Variants in ZDHHC7 observed in about 807,000 individuals in gnomAD.
The protein encoded by ZDHHC7 is palmitoyltransferase ZDHHC7.
In ZDHHC7, 12 loss-of-function variants were observed where a neutral mutation model predicts 34.1. That is an observed-to-expected ratio of 0.35 (90% CI 0.23 to 0.57). The LOEUF (loss-of-function observed/expected upper bound fraction) is 0.57. ZDHHC7 is among the 20% of genes least tolerant of loss of function. The pLI is 0.84. For synonymous variants in ZDHHC7, 185 were observed against 155.4 expected (o/e 1.19, Z -1.42); for missense variants, 388 against 402.7 (o/e 0.96, Z 0.31).
upstream of ZDHHC7, among the ~76,000 whole-genome samples, chr16:85,015,103 T>A (rs945587600): frequency 6.6e-6 from 1 of 151,482 alleles, no homozygotes; most frequent in Non-Finnish European, 1.5e-5. Context: ...TTTTGTTGTT[T>A]TTTTTTTTTT....
At chr16:85,014,829 A>C (rs545575855), upstream of ZDHHC7, among the ~76,000 whole-genome samples, 31 of 152,272 alleles carry the variant, frequency 2.0e-4, 1 homozygote, top group Middle Eastern at 6.8e-3. Context: ...GGTTTTTGAC[A>C]TTTTAGGGAG....
chr16:84,976,169 G>A lies in ZDHHC7; in HGVS notation c.*174C>T, dbSNP rs1012066365. On this transcript the variant is annotated 3_prime_UTR_variant, in exon 8 of 8. Transcript: ENST00000313732. ...GTTGTTGTACAGGTGGGGACTGAGA[G>A]CCTCTTCCTCTGCCATCTGTGACTA... 6.2e-6 allele frequency: 5 copies of A among 812,282 alleles called. No individual in the cohort carries two copies. The highest frequency in any genetic ancestry group is 9.5e-6 in the Non-Finnish European group (5 of 527,488). 50.3% of individuals were successfully genotyped at this position (812,282 alleles called of 1,614,324 possible). A position where few individuals can be genotyped will look rare whatever the true frequency, so the allele number is the denominator to read the frequency against.
chr16:85,007,379 C>T (rs561665619), intron 1 of ZDHHC7, among the ~76,000 whole-genome samples: 8 of 148,414 alleles, frequency 5.4e-5, no homozygotes, highest in Non-Finnish European at 1.2e-4. Context: ...GCCGAGACCA[C>T]GCCACCGCAC....
At chr16:84,982,211 G>T in intron 3 of ZDHHC7, 1 of 418,220 alleles carries the variant, frequency 2.4e-6, no homozygotes, top group Non-Finnish European at 4.4e-6. Flanking sequence ...CAGGCGCGGT[G>T]GCAGGCGCCT....
At chr16:85,018,469 CAG>C in the ZDHHC7 span, among the ~76,000 whole-genome samples, 3 of 123,184 alleles carry the variant, frequency 2.4e-5, no homozygotes, top group Admixed American at 9.1e-5. Context: ...TTTTTTAAGA[CAG>C]AGTTTTACTC....
chr16:84,978,652 C>T (rs372751699), intron 5 of ZDHHC7, among the ~76,000 whole-genome samples: 2 of 152,140 alleles, frequency 1.3e-5, no homozygotes, highest in East Asian at 1.9e-4. Context: ...CGCCTGAGGT[C>T]GGGAGTTCAA....
chr16:84,981,801 G>A (rs1310868709), intron 4 of ZDHHC7, 69 bp downstream of exon 4: 5 of 1,610,590 alleles, frequency 3.1e-6, no homozygotes, highest in Non-Finnish European at 4.2e-6. Flanking sequence ...GGCGCACTCT[G>A]GTTTAATACA....
Position 84,976,491 on chromosome 16 carries a change from G to A in ZDHHC7, c.779C>T (p.Pro260Leu). The change falls in exon 8 of 8, where the codon CCC (proline) becomes CTC (leucine). Residue 260 changes from proline (P) to leucine (L), a missense_variant. Physicochemically the swap from Pro to Leu is moderately conservative, Grantham distance 98. Transcript: ENST00000313732. ...TEIERLKSEK[P>L]TWERRLRWEG... is the part of the protein sequence containing the mutation. ...CCATCGCAGCCTCCGCTCCCATGTGGGCTTCTCACTTTTCAATCGCTCGAT... is the reference window on the plus strand; with the variant it reads ...CCATCGCAGCCTCCGCTCCCATGTGAGCTTCTCACTTTTCAATCGCTCGAT... 4 of 1,613,760 alleles carry A rather than the reference G, an allele frequency of 2.5e-6. No homozygotes were observed. Among genetic ancestry groups the A allele is most frequent in the Non-Finnish European group, 3.4e-6 (4 of 1,179,986 alleles).
intron 1 of ZDHHC7, among the ~76,000 whole-genome samples, chr16:84,998,592 C>T (rs369713579): frequency 7.2e-5 from 11 of 152,112 alleles, no homozygotes; most frequent in African/African-American, 2.7e-4. Flanking sequence ...GCCAAGCCTC[C>T]ACCTGGGCCC....
At chr16:85,024,608 A>G in the ZDHHC7 span, among the ~76,000 whole-genome samples, 1 of 152,180 alleles carries the variant, frequency 6.6e-6, no homozygotes, top group East Asian at 1.9e-4. Context: ...CCTTTGTACA[A>G]TGTCATGAGA....
intron 6 of ZDHHC7, among the ~76,000 whole-genome samples, chr16:84,977,441 CAA>C (rs2072312745): frequency 6.6e-6 from 1 of 152,166 alleles, no homozygotes; most frequent in Non-Finnish European, 1.5e-5. Context: ...CCAGTGGTTT[CAA>C]AAGAGTCTGT....
At chr16:85,009,095 C>G (rs2072755727) in intron 1 of ZDHHC7, among the ~76,000 whole-genome samples, 1 of 151,714 alleles carries the variant, frequency 6.6e-6, no homozygotes, top group African/African-American at 2.4e-5. Flanking sequence ...AGAAACATAC[C>G]CCAAAAAGCT....
At chr16:85,018,639 G>A in the ZDHHC7 span, among the ~76,000 whole-genome samples, 1 of 151,980 alleles carries the variant, frequency 6.6e-6, no homozygotes, top group African/African-American at 2.4e-5. Context: ...TAGAGACGGG[G>A]TATCTCCATG....
At chr16:84,982,586 G>A (rs1181194125) in intron 3 of ZDHHC7, among the ~76,000 whole-genome samples, 3 of 152,068 alleles carry the variant, frequency 2.0e-5, no homozygotes, top group African/African-American at 4.8e-5. Context: ...TCGGGCAGTC[G>A]GGGAACAAAG....
intron 1 of ZDHHC7, among the ~76,000 whole-genome samples, chr16:85,007,634 G>C (rs1673565144): frequency 6.6e-6 from 1 of 151,966 alleles, no homozygotes; most frequent in Non-Finnish European, 1.5e-5. Flanking sequence ...AGGAGGGACT[G>C]TCTCTTCCTC....
chr16:84,978,568 T>C (rs776813056), intron 5 of ZDHHC7, among the ~76,000 whole-genome samples: 19 of 148,924 alleles, frequency 1.3e-4, no homozygotes, highest in Non-Finnish European at 2.4e-4. Context: ...ACCCCGTCTA[T>C]AAAAAAATAA....
the ZDHHC7 span, among the ~76,000 whole-genome samples, chr16:85,016,583 T>G: frequency 6.6e-6 from 1 of 151,762 alleles, no homozygotes; most frequent in African/African-American, 2.4e-5. Flanking sequence ...GCCTCCCAAG[T>G]AGCTGAGATT....
chr16:85,006,541 G>C (rs2072719367), intron 1 of ZDHHC7, among the ~76,000 whole-genome samples: 1 of 151,666 alleles, frequency 6.6e-6, no homozygotes, highest in South Asian at 2.1e-4. Flanking sequence ...TGGAGTTCAA[G>C]ACAGGCCTGA....
upstream of ZDHHC7, chr16:85,011,564 C>T (rs1274690522): frequency 2.6e-5 from 4 of 152,272 alleles, no homozygotes; most frequent in Non-Finnish European, 1.5e-5. Context: ...GACGTCACGC[C>T]GGCGCAGTTC....
Sources: gnomAD v4.1 joint callset for allele counts (sites outside exome capture counted in the v4.1 genomes callset) on GRCh38, gnomAD v4.1.1 for gene constraint, MANE v1.5 for transcripts, NCBI Gene and HGNC (gene_info 2026-07-23, HGNC 2026-07-21) for gene names.